The following CTNND2 variants were observed in gnomAD, a reference collection of about 807,000 sequenced individuals.
The protein encoded by CTNND2 is catenin delta-2.
CTNND2 carries 22 observed loss-of-function variants against 144.4 expected under a neutral mutation model. The observed-to-expected ratio is 0.15, with a 90% CI of 0.11 to 0.22. The LOEUF (loss-of-function observed/expected upper bound fraction) is 0.22, where lower values mean the gene tolerates loss of function less well. Ranked by LOEUF, CTNND2 falls within the 10% of genes least tolerant of loss-of-function variation. CTNND2 has a pLI of 1.00. For synonymous variants in CTNND2, 751 were observed against 695.6 expected (o/e 1.08, Z -1.25); for missense variants, 1,353 against 1,618.8 (o/e 0.84, Z 2.82).
intron 20 of CTNND2, chr5:10,986,861 C>T (rs61751758): frequency 1.4e-5 from 5 of 347,080 alleles, no homozygotes; most frequent in South Asian, 4.3e-5. Context: ...AATTTATCTT[C>T]GCTGTCCTGG....
chr5:11,782,349 A>C (rs1790585151), intron 1 of CTNND2, among the ~76,000 whole-genome samples: 1 of 152,182 alleles, frequency 6.6e-6, no homozygotes, highest in Non-Finnish European at 1.5e-5. Context: ...CTAAATACAA[A>C]AAAAAAGCTG....
At chr5:11,735,148 T>TA (rs1787608313) in intron 1 of CTNND2, among the ~76,000 whole-genome samples, 1 of 152,172 alleles carries the variant, frequency 6.6e-6, no homozygotes, top group East Asian at 1.9e-4. Flanking sequence ...CTAAAAAGAT[T>TA]AAAGTATTGA....
At chr5:11,286,948 G>T (rs921414590) in intron 9 of CTNND2, among the ~76,000 whole-genome samples, 1 of 152,160 alleles carries the variant, frequency 6.6e-6, no homozygotes, top group Non-Finnish European at 1.5e-5. Flanking sequence ...GAGAACAGAT[G>T]AATGCACTGT....
At chr5:11,873,380 G>A (rs1735309856) in intron 1 of CTNND2, among the ~76,000 whole-genome samples, 3 of 152,170 alleles carry the variant, frequency 2.0e-5, no homozygotes, top group Admixed American at 6.5e-5. Context: ...AAGGCAGCAT[G>A]CAGAGGTTAA....
intron 10 of CTNND2, among the ~76,000 whole-genome samples, chr5:11,201,013 C>A (rs1580570007): frequency 2.5e-5 from 1 of 40,732 alleles, no homozygotes; most frequent in Non-Finnish European, 4.9e-5. Context: ...CCAAGTGCTG[C>A]TCTGTGAGGT....
intron 3 of CTNND2, among the ~76,000 whole-genome samples, chr5:11,518,705 T>C (rs987585175): frequency 7.9e-5 from 12 of 152,224 alleles, no homozygotes; most frequent in Non-Finnish European, 1.5e-4. Flanking sequence ...CTACTTACCA[T>C]TGTGTTACAA....
At chr5:11,709,845 C>T (rs762606435) in intron 2 of CTNND2, among the ~76,000 whole-genome samples, 2 of 151,936 alleles carry the variant, frequency 1.3e-5, no homozygotes, top group African/African-American at 2.4e-5. Context: ...TGAAATTGTC[C>T]TTTAAGTACA....
At chr5:11,183,446 A>G (rs1269464763) in intron 11 of CTNND2, among the ~76,000 whole-genome samples, 2 of 152,182 alleles carry the variant, frequency 1.3e-5, no homozygotes, top group East Asian at 3.8e-4. Context: ...AAATGCCCCA[A>G]GGTCAAAAGT....
chr5:11,006,607 C>T (rs1740508155), intron 18 of CTNND2, among the ~76,000 whole-genome samples: 1 of 152,228 alleles, frequency 6.6e-6, no homozygotes, highest in African/African-American at 2.4e-5. Flanking sequence ...GTCACACAGG[C>T]AATGAGACTC....
intron 16 of CTNND2, among the ~76,000 whole-genome samples, chr5:11,059,403 G>C (rs968577659): frequency 6.6e-6 from 1 of 152,196 alleles, no homozygotes; most frequent in Non-Finnish European, 1.5e-5. Context: ...CTCTTTGCCT[G>C]CTGCCATCCA....
At chr5:11,641,655 TGTATATACATATACG>T (rs1356002460) in intron 2 of CTNND2, among the ~76,000 whole-genome samples, 1 of 144,506 alleles carries the variant, frequency 6.9e-6, no homozygotes, top group African/African-American at 2.8e-5. Flanking sequence ...CATATACGTG[TGTATATACATATACG>T]TGTGTATATA....
chr5:11,492,612 T>C (rs890457616), intron 3 of CTNND2, among the ~76,000 whole-genome samples: 3 of 151,576 alleles, frequency 2.0e-5, no homozygotes, highest in African/African-American at 7.3e-5. Flanking sequence ...TACAAAGTAG[T>C]AAAATAAAAA....
chr5:11,404,224 C>T (rs1026779121), intron 5 of CTNND2, among the ~76,000 whole-genome samples: 1 of 152,116 alleles, frequency 6.6e-6, no homozygotes, highest in South Asian at 2.1e-4. Context: ...ATTATGAAAA[C>T]CTTTTGGCTT....
intron 1 of CTNND2, among the ~76,000 whole-genome samples, chr5:11,837,115 T>C (rs562819775): frequency 6.6e-6 from 1 of 152,310 alleles, no homozygotes; most frequent in African/African-American, 2.4e-5. Context: ...GGTGACCACT[T>C]CTCTAGCTCT....
At chr5:11,593,039 G>A (rs941188661) in intron 2 of CTNND2, among the ~76,000 whole-genome samples, 1 of 151,918 alleles carries the variant, frequency 6.6e-6, no homozygotes, top group African/African-American at 2.4e-5. Context: ...AAAATGCAAC[G>A]TGACCCCAGT....
At chr5:11,183,793 A>T (rs1735351809) in intron 11 of CTNND2, among the ~76,000 whole-genome samples, 1 of 151,940 alleles carries the variant, frequency 6.6e-6, no homozygotes, top group African/African-American at 2.4e-5. Flanking sequence ...CCCTGACCTC[A>T]AGTGATCCAA....
At chr5:11,587,258 T>C (rs957748835) in intron 2 of CTNND2, among the ~76,000 whole-genome samples, 1 of 152,130 alleles carries the variant, frequency 6.6e-6, no homozygotes, top group East Asian at 1.9e-4. Flanking sequence ...TTTTCTTAAA[T>C]CACTTTCTAA....
chr5:11,142,176 C>T (rs1226092163), intron 12 of CTNND2, among the ~76,000 whole-genome samples: 3 of 152,120 alleles, frequency 2.0e-5, no homozygotes, highest in Non-Finnish European at 4.4e-5. Context: ...ATAAAATGGA[C>T]TAAGACACCT....
At chr5:11,488,348 C>T (rs1330440696) in intron 3 of CTNND2, among the ~76,000 whole-genome samples, 2 of 152,136 alleles carry the variant, frequency 1.3e-5, no homozygotes, top group African/African-American at 4.8e-5. Flanking sequence ...GCAACCATGT[C>T]ATGTCATATC....
Sources: gnomAD v4.1 joint callset for allele counts (sites outside exome capture counted in the v4.1 genomes callset) on GRCh38, gnomAD v4.1.1 for gene constraint, MANE v1.5 for transcripts, NCBI Gene and HGNC (gene_info 2026-07-23, HGNC 2026-07-21) for gene names.